The following REV3L variants were observed in gnomAD, a reference collection of about 807,000 sequenced individuals.
The protein encoded by REV3L is REV3 like, DNA directed polymerase zeta catalytic subunit, also known as DNA polymerase zeta catalytic subunit.
In REV3L, 69 loss-of-function variants were observed where a neutral mutation model predicts 299.4. The ratio of observed to expected loss-of-function variants is 0.23; its 90% confidence interval spans 0.19 to 0.28. REV3L has a LOEUF of 0.28. Ranked by LOEUF, REV3L falls within the 10% of genes least tolerant of loss-of-function variation. REV3L has a pLI of 1.00. For missense variants in REV3L, 3,128 were observed against 3,693.8 expected, an observed-to-expected ratio of 0.85 and a Z score of 3.97; for synonymous variants, 1,238 against 1,271.4, an observed-to-expected ratio of 0.97 and a Z score of 0.56.
At chr6:111,429,692 T>A (rs963476142) in intron 1 of REV3L, among the ~76,000 whole-genome samples, 6 of 152,078 alleles carry the variant, frequency 3.9e-5, no homozygotes, top group African/African-American at 1.5e-4. Context: ...GAAAGAGGGT[T>A]TTTTAGCTTC....
intron 7 of REV3L, among the ~76,000 whole-genome samples, chr6:111,388,428 A>G (rs1467335093): frequency 6.6e-6 from 1 of 152,204 alleles, no homozygotes; most frequent in Non-Finnish European, 1.5e-5. Flanking sequence ...AAAGGCACTC[A>G]AAGTTTATCA....
upstream of REV3L, chr6:111,483,456 C>T: frequency 1.0e-5 from 5 of 480,062 alleles, no homozygotes; most frequent in Non-Finnish European, 1.2e-5. Context: ...GGCACGGTCA[C>T]CTGGGTGAGG....
chr6:111,330,281 G>A (rs1370873278), intron 24 of REV3L: 2 of 454,762 alleles, frequency 4.4e-6, no homozygotes, highest in Non-Finnish European at 8.9e-6. Flanking sequence ...AGACCACTAA[G>A]CCATCCCCTC....
At chr6:111,421,053 G>A (rs542096711) in intron 1 of REV3L, among the ~76,000 whole-genome samples, 7 of 152,128 alleles carry the variant, frequency 4.6e-5, no homozygotes, top group Non-Finnish European at 1.0e-4. Flanking sequence ...GCGTGAACCC[G>A]GGAGGCGGAG....
In REV3L at chr6:111,375,316, T is replaced by C. The variant is rs759306835; in HGVS notation, c.3039A>G (p.Leu1013=). 1.3e-6 allele frequency: 2 copies of C among 1,581,364 alleles called. No individual in the cohort carries two copies. Among genetic ancestry groups the C allele is most frequent in the Non-Finnish European group, 8.5e-7 (1 of 1,172,196 alleles). The change falls in exon 13 of 32, where the codon CTA becomes CTG. Residue 1013 remains leucine, a synonymous_variant. Transcript: ENST00000368802. ...QVILTEEKME[L]YKKLAPLKDF... ...CCTTCAAAGGTGCAAGCTTTTTATA[T>C]AGTTCCATTTTTTCTTCTGTTAATA... is the stretch of plus-strand genomic sequence containing the variant.
intron 16 of REV3L, among the ~76,000 whole-genome samples, chr6:111,360,420 TTTTGG>T (rs1778527953): frequency 6.6e-6 from 1 of 152,014 alleles, no homozygotes; most frequent in African/African-American, 2.4e-5. Context: ...GATTGAGTAT[TTTTGG>T]TATATATACT....
chr6:111,317,854 ATC>A (rs1402526041), intron 26 of REV3L, among the ~76,000 whole-genome samples: 1 of 152,182 alleles, frequency 6.6e-6, no homozygotes, highest in East Asian at 1.9e-4. Context: ...ACTCTTTTAT[ATC>A]TGTCTTCTTT....
At position 111,320,583 on chromosome 6, in the gene REV3L, AACTT is replaced by A. The variant is rs1489941116; in HGVS notation, c.8351+1982_8351+1985del. 3.9e-5 allele frequency among the ~76,000 whole-genome samples: 6 copies of A among 152,104 alleles called. 1 individual carries two copies. The highest frequency in any genetic ancestry group is 1.4e-4 in the African/African-American group (6 of 41,422). On this transcript the variant is annotated intron_variant, in intron 26 of 31. Coordinates refer to ENST00000368802, the MANE Select transcript of REV3L (RefSeq NM_001372078.1). ...TGACTTTTTTGTGTCCTCCTTCAAGAACTTACTTGTATTCTGCCAGGGTGACACT... is the reference window on the plus strand; with the variant it reads ...TGACTTTTTTGTGTCCTCCTTCAAGAACTTGTATTCTGCCAGGGTGACACT...
chr6:111,337,124 G>A (rs1406624251), intron 21 of REV3L, among the ~76,000 whole-genome samples: 1 of 151,998 alleles, frequency 6.6e-6, no homozygotes, highest in Non-Finnish European at 1.5e-5. Flanking sequence ...GTTGAAGAGT[G>A]GTGGCTAGGT....
At position 111,416,486 on chromosome 6, in the gene REV3L, C is replaced by G; in HGVS notation, c.140-14G>C. ...ATGTCTTCTGACCTAAAATGTAACA[C>G]ATTATAAAGTTTAGTTTCCAGACAC... is the stretch of plus-strand genomic sequence containing the variant. On this transcript the variant is annotated splice_polypyrimidine_tract_variant and intron_variant, in intron 1 of 31. Transcript: ENST00000368802. 1 of 1,595,240 alleles carries G rather than the reference C, an allele frequency of 6.3e-7. No homozygotes were observed. The highest frequency in any genetic ancestry group is 8.6e-7 in the Non-Finnish European group (1 of 1,166,802).
chr6:111,357,203 CTCT>C (rs1778181966), intron 17 of REV3L, 78 bp from the exon 18 acceptor site: 1 of 466,664 alleles, frequency 2.1e-6, no homozygotes, highest in East Asian at 4.2e-5. Flanking sequence ...TAATATTATC[CTCT>C]ACTTTTAAGT....
chr6:111,321,728 A>C (rs1774212514), intron 26 of REV3L, among the ~76,000 whole-genome samples: 1 of 152,210 alleles, frequency 6.6e-6, no homozygotes, highest in Non-Finnish European at 1.5e-5. Context: ...ATTACTTATA[A>C]GCTATTTAAT....
rs114428141 is a variant in REV3L, at chr6:111,354,443, C to T, written c.7184+2571G>A. ...ATGACTGCTGAAAAAAGTTACCCTG[C>T]GCTTCTCAGATTTATTTCACAGATT... On this transcript the variant is annotated intron_variant, in intron 18 of 31. Coordinates refer to ENST00000368802, the MANE Select transcript of REV3L (RefSeq NM_001372078.1). 6.7e-3 allele frequency among the ~76,000 whole-genome samples: 1,024 copies of T among 152,184 alleles called. 12 individuals are homozygous for T. Among genetic ancestry groups the T allele is most frequent in the African/African-American group, 0.024 (987 of 41,516 alleles).
upstream of REV3L, chr6:111,483,347 G>C (rs1044492177): frequency 1.4e-5 from 7 of 483,000 alleles, no homozygotes; most frequent in Non-Finnish European, 2.2e-5. Context: ...CACGGAGGGC[G>C]GGGGCCGAGA....
intron 21 of REV3L, among the ~76,000 whole-genome samples, chr6:111,337,740 T>C (rs1261720367): frequency 6.6e-6 from 1 of 152,188 alleles, no homozygotes; most frequent in Non-Finnish European, 1.5e-5. Context: ...ATTGTTTTGT[T>C]TTAGATCATT....
intron 1 of REV3L, among the ~76,000 whole-genome samples, chr6:111,429,677 T>C (rs1786632143): frequency 6.6e-6 from 1 of 151,900 alleles, no homozygotes; most frequent in Non-Finnish European, 1.5e-5. Flanking sequence ...GGGGTGGAGT[T>C]ATAGGAAAGA....
At chr6:111,400,272 G>A (rs186971847) in intron 4 of REV3L, among the ~76,000 whole-genome samples, 35 of 152,188 alleles carry the variant, frequency 2.3e-4, no homozygotes, top group Admixed American at 1.7e-3. Flanking sequence ...TCACTGGGTC[G>A]CACTCTAAGT....
rs1001118431 is a variant in REV3L, at chr6:111,309,724, T to C, written c.9042+129A>G. On this transcript the variant is annotated intron_variant, in intron 30 of 31. Transcript: ENST00000368802. ...ACTTCCCCTCCCGCTTTCCGTATCA[T>C]TTTACGGGACCACACTCTTCCCTTC... is the stretch of plus-strand genomic sequence containing the variant. The C allele has an allele frequency of 3.0e-5, 31 of 1,031,200 alleles. No homozygotes were observed. The African/African-American group carries it at 4.8e-4, about 16-fold the overall frequency. The allele number at this position is 1,031,200 out of a possible 1,614,324, so 63.9% of individuals were successfully genotyped here. A position where few individuals can be genotyped will look rare whatever the true frequency, so the allele number is the denominator to read the frequency against.
intron 21 of REV3L, among the ~76,000 whole-genome samples, chr6:111,342,549 T>A (rs1324256391): frequency 6.6e-6 from 1 of 151,798 alleles, no homozygotes; most frequent in African/African-American, 2.4e-5. Flanking sequence ...GCGCCTGTAG[T>A]CCCAGGTACT....
Sources: allele counts gnomAD v4.1 joint callset (sites outside exome capture counted in the v4.1 genomes callset), GRCh38; gene constraint gnomAD v4.1.1; transcripts MANE v1.5; gene names NCBI Gene and HGNC (gene_info 2026-07-23, HGNC 2026-07-21).